MACROD2: variants seen among roughly 807,000 people sequenced by gnomAD.
MACROD2 encodes the protein ADP-ribose glycohydrolase MACROD2.
A neutral mutation model predicts 70.4 loss-of-function variants in MACROD2; 36 were observed. The observed-to-expected ratio is 0.51, with a 90% CI of 0.39 to 0.68. The LOEUF (loss-of-function observed/expected upper bound fraction) is 0.68. MACROD2 is among the 30% of genes least tolerant of loss of function. The pLI is 0.00. For synonymous variants in MACROD2, 172 were observed against 178.8 expected, an observed-to-expected ratio of 0.96 and a Z score of 0.30; for missense variants, 496 against 538.4, an observed-to-expected ratio of 0.92 and a Z score of 0.78.
chr20:15,174,719 C>G (rs1309344400), intron 5 of MACROD2, among the ~76,000 whole-genome samples: 1 of 152,330 alleles, frequency 6.6e-6, no homozygotes, highest in East Asian at 1.9e-4. Flanking sequence ...GATGGTATCT[C>G]ACTGTGGTTT....
chr20:14,287,383 AATGATGATG>A (rs148121991), intron 3 of MACROD2, among the ~76,000 whole-genome samples: 3 of 151,290 alleles, frequency 2.0e-5, no homozygotes, highest in East Asian at 3.9e-4. Context: ...ATGATTAGGA[AATGATGATG>A]ATGATGATGA....
intron 10 of MACROD2, among the ~76,000 whole-genome samples, chr20:15,931,791 A>G (rs1208152587): frequency 3.3e-5 from 5 of 151,828 alleles, no homozygotes; most frequent in East Asian, 1.9e-4. Context: ...TTGTCCTTCT[A>G]TTATAAACTT....
intron 6 of MACROD2, among the ~76,000 whole-genome samples, chr20:15,282,147 G>A (rs1311930271): frequency 6.6e-6 from 1 of 152,194 alleles, no homozygotes; most frequent in Admixed American, 6.5e-5. Flanking sequence ...CCTGGGCCCA[G>A]CCCATGAAAC....
chr20:15,272,559 C>T (rs1477896090), intron 6 of MACROD2, among the ~76,000 whole-genome samples: 1 of 152,174 alleles, frequency 6.6e-6, no homozygotes, highest in East Asian at 1.9e-4. Flanking sequence ...AAGCACTTAA[C>T]ACACAGAAAT....
chr20:15,761,537 GC>G (rs2051435825), intron 8 of MACROD2, among the ~76,000 whole-genome samples: 1 of 152,106 alleles, frequency 6.6e-6, no homozygotes, highest in Non-Finnish European at 1.5e-5. Context: ...GGCTATTAAA[GC>G]CTATTTTAAC....
intron 3 of MACROD2, among the ~76,000 whole-genome samples, chr20:14,486,807 C>T (rs2084741166): frequency 6.6e-6 from 1 of 152,088 alleles, no homozygotes; most frequent in South Asian, 2.1e-4. Flanking sequence ...GTATGAGACA[C>T]CATGCCCAGC....
chr20:14,003,869 C>T (rs752406999), intron 2 of MACROD2, among the ~76,000 whole-genome samples: 12 of 152,064 alleles, frequency 7.9e-5, no homozygotes, highest in Non-Finnish European at 1.8e-4. Flanking sequence ...ATCAGGAGAA[C>T]AGAATTCTGG....
intron 12 of MACROD2, among the ~76,000 whole-genome samples, chr20:15,949,539 G>A (rs982879034): frequency 6.6e-6 from 1 of 152,116 alleles, no homozygotes; most frequent in Admixed American, 6.6e-5. Flanking sequence ...AAAGCAACCA[G>A]AGTAAACTAT....
chr20:15,394,081 AC>A (rs1037017097), intron 6 of MACROD2, among the ~76,000 whole-genome samples: 5 of 152,180 alleles, frequency 3.3e-5, no homozygotes, highest in African/African-American at 1.2e-4. Context: ...GAAGTGTCAT[AC>A]TTACCCTTTT....
intron 5 of MACROD2, among the ~76,000 whole-genome samples, chr20:14,998,426 C>G (rs1373970414): frequency 6.6e-6 from 1 of 152,080 alleles, no homozygotes; most frequent in Non-Finnish European, 1.5e-5. Flanking sequence ...ATGAAATGGA[C>G]ATAATTTTTG....
intron 8 of MACROD2, among the ~76,000 whole-genome samples, chr20:15,503,646 C>G (rs1274231373): frequency 6.6e-6 from 1 of 152,184 alleles, no homozygotes; most frequent in East Asian, 1.9e-4. Context: ...CACTCCATCT[C>G]TATCTCTCCC....
chr20:15,576,448 C>A lies in MACROD2; in HGVS notation c.645+76601C>A, dbSNP rs571218938. On this transcript the variant is annotated intron_variant, in intron 8 of 17. Coordinates refer to ENST00000684519, the MANE Select transcript of MACROD2 (RefSeq NM_001351661.2). ...ATGCTAAAGTCATTTCATTTTCTGA[C>A]TGCAAAAGGCCAAAGTTTTTCTATC... 2.0e-5 allele frequency among the ~76,000 whole-genome samples: 3 copies of A among 152,244 alleles called. No individual in the cohort carries two copies. In the South Asian group the frequency reaches 6.2e-4, roughly 32 times the overall value.
intron 9 of MACROD2, among the ~76,000 whole-genome samples, chr20:15,880,259 C>G (rs1297433011): frequency 1.3e-5 from 2 of 152,064 alleles, no homozygotes; most frequent in African/African-American, 4.8e-5. Context: ...GTTGCAATTT[C>G]TCAGATAACT....
At chr20:15,546,632 A>G (rs1446189028) in intron 8 of MACROD2, among the ~76,000 whole-genome samples, 1 of 152,250 alleles carries the variant, frequency 6.6e-6, no homozygotes, top group African/African-American at 2.4e-5. Flanking sequence ...AAAGCACATC[A>G]ATGCAAAGGT....
At chr20:15,176,008 C>T (rs2076458469) in intron 5 of MACROD2, among the ~76,000 whole-genome samples, 1 of 152,226 alleles carries the variant, frequency 6.6e-6, no homozygotes, top group Non-Finnish European at 1.5e-5. Flanking sequence ...GCCCCCTGGC[C>T]TCTCCCTGCT....
At position 14,524,399 on chromosome 20, in the gene MACROD2, A is replaced by G. The variant is rs181899030; in HGVS notation, c.301+30891A>G. Among the ~76,000 whole-genome samples the G allele has an allele frequency of 1.4e-4, 22 of 152,286 alleles. No individual in the cohort carries two copies. In the East Asian group the frequency reaches 3.5e-3, roughly 24 times the overall value. On this transcript the variant is annotated intron_variant, in intron 4 of 17. Transcript: ENST00000684519. The stretch of plus-strand genomic sequence containing the variant: ...CTTAACCACTTTCTCTATCTTTACT[A>G]GAGTTGGCTAGGGCTCTAGAGATGT...
At chr20:15,505,466 A>G (rs2047414154) in intron 8 of MACROD2, among the ~76,000 whole-genome samples, 1 of 152,086 alleles carries the variant, frequency 6.6e-6, no homozygotes, top group South Asian at 2.1e-4. Flanking sequence ...ACAGAAACCC[A>G]GCGTTCTAGG....
chr20:14,834,238 C>A (rs902701374), intron 5 of MACROD2, among the ~76,000 whole-genome samples: 2 of 148,666 alleles, frequency 1.3e-5, no homozygotes, highest in African/African-American at 2.5e-5. Context: ...TGACCTTTAC[C>A]CTTGCCGCTA....
At chr20:14,445,460 A>G (rs62204398) in intron 3 of MACROD2, among the ~76,000 whole-genome samples, 23,667 of 152,062 alleles carry the variant, frequency 0.16, 2,631 homozygotes, top group Non-Finnish European at 0.23. Context: ...GTTCATCATC[A>G]TGTTATTTAA....
Sources: allele counts gnomAD v4.1 joint callset (sites outside exome capture counted in the v4.1 genomes callset), GRCh38; gene constraint gnomAD v4.1.1; transcripts MANE v1.5; gene names NCBI Gene and HGNC (gene_info 2026-07-23, HGNC 2026-07-21).